The following EFHB variants were observed in gnomAD, a reference collection of about 807,000 sequenced individuals.
EFHB encodes the protein EF-hand domain family member B.
Under a neutral mutation model 87.2 loss-of-function variants are expected in EFHB, and 91 were observed. The observed-to-expected ratio is 1.04, with a 90% confidence interval of 0.88 to 1.24. EFHB has a LOEUF of 1.24. EFHB is among the 50% of genes most tolerant of loss of function. The pLI, the probability that EFHB is intolerant of heterozygous loss-of-function variation, is 0.00. For synonymous variants in EFHB, 325 were observed against 333.6 expected (o/e 0.97, Z 0.28); for missense variants, 1,084 against 998.8 (o/e 1.09, Z -1.15).
At chr3:19,915,620 T>C (rs1225251064) in intron 4 of EFHB, among the ~76,000 whole-genome samples, 2 of 152,184 alleles carry the variant, frequency 1.3e-5, no homozygotes, top group South Asian at 2.1e-4. Flanking sequence ...CAGAGCATAT[T>C]AGAACTCTAT....
chr3:19,916,336 G>A (rs1334293442), intron 4 of EFHB, among the ~76,000 whole-genome samples: 10 of 152,100 alleles, frequency 6.6e-5, no homozygotes, highest in Non-Finnish European at 1.5e-4. Context: ...GCAACATGGT[G>A]AAACCCTGTC....
intron 1 of EFHB, among the ~76,000 whole-genome samples, chr3:19,942,019 G>A (rs1399829085): frequency 2.6e-5 from 4 of 151,720 alleles, no homozygotes; most frequent in African/African-American, 7.3e-5. Context: ...TTACCCAGGC[G>A]TGGTGGTGGG....
At chr3:19,915,051 C>A (rs948031295) in intron 5 of EFHB, among the ~76,000 whole-genome samples, 57 of 151,696 alleles carry the variant, frequency 3.8e-4, no homozygotes, top group Non-Finnish European at 1.2e-4. Flanking sequence ...ATGATCATAC[C>A]ACTGCACTCC....
At position 19,887,634 on chromosome 3, in the gene EFHB, G is replaced by A. The variant is rs988951662; in HGVS notation, c.1933+810C>T. On this transcript the variant is annotated intron_variant, in intron 10 of 12. Coordinates refer to ENST00000295824, the MANE Select transcript of EFHB (RefSeq NM_144715.4). Reference sequence around the variant, plus strand: ...CACACATAAAGTACACTAACACTAAGGACAGCTGATGAGCTTAAAAACAAA... The same window carrying A: ...CACACATAAAGTACACTAACACTAAAGACAGCTGATGAGCTTAAAAACAAA... Among the ~76,000 whole-genome samples the A allele has an allele frequency of 4.6e-5, 7 of 152,144 alleles. No homozygotes were observed. In the South Asian group the frequency reaches 1.5e-3, roughly 32 times the overall value.
intron 5 of EFHB, among the ~76,000 whole-genome samples, chr3:19,911,134 G>T (rs527956577): frequency 3.1e-4 from 47 of 152,296 alleles, no homozygotes; most frequent in African/African-American, 1.1e-3. Flanking sequence ...TGGAGCAACA[G>T]AGCTATATGT....
chr3:19,923,641 G>A (rs992254690), intron 1 of EFHB, among the ~76,000 whole-genome samples: 1 of 152,102 alleles, frequency 6.6e-6, no homozygotes, highest in Admixed American at 6.6e-5. Context: ...TCCCAAAGGG[G>A]TGGGATTACA....
At chr3:19,921,994 G>C (rs778498266) in intron 1 of EFHB, among the ~76,000 whole-genome samples, 3 of 151,864 alleles carry the variant, frequency 2.0e-5, no homozygotes, top group South Asian at 2.1e-4. Flanking sequence ...GTGAAACCCC[G>C]TCCCTTCTAA....
intron 8 of EFHB, among the ~76,000 whole-genome samples, chr3:19,898,024 A>G (rs539804124): frequency 3.9e-5 from 6 of 152,360 alleles, no homozygotes; most frequent in Non-Finnish European, 8.8e-5. Context: ...CAGATTTAAT[A>G]AACTCCCTGG....
rs368223083 is a variant in EFHB at position 19,882,687 on chromosome 3, C to T, written c.2191G>A (p.Ala731Thr). 6.2e-7 allele frequency: 1 copy of T among 1,613,650 alleles called. No homozygotes were observed. The highest frequency in any genetic ancestry group is 1.1e-5 in the South Asian group (1 of 91,042). ...GVPTIRSDIPAPRIRRISDRT... is the reference protein window; with the variant it reads ...GVPTIRSDIPTPRIRRISDRT... The stretch of plus-strand genomic sequence containing the variant: ...TCACTGATGCGACGAATTCGGGGAG[C>T]AGGAATGTCAGATCGAATGGTTGGA... Residue 731 changes from alanine to threonine, a missense_variant, in exon 12 of 13, where the codon GCT becomes ACT. Transcript: ENST00000295824.
At position 19,933,824 on chromosome 3, in the gene EFHB, T is replaced by G; in HGVS notation, c.195A>C (p.Pro65=). The change falls in exon 1 of 13, where the codon CCA becomes CCC. Residue 65 remains proline, a synonymous_variant. Coordinates refer to ENST00000295824, the MANE Select transcript of EFHB (RefSeq NM_144715.4). ...GRMAPPETKF[P]LSKGLEMGLE... is the part of the protein sequence containing the mutation. ...ATCCCATTTCAAGCCCCTTGCTCAA[T>G]GGAAATTTTGTTTCTGGTGGTGCCA... 1.9e-6 allele frequency: 3 copies of G among 1,614,008 alleles called. No individual in the cohort carries two copies. The highest frequency in any genetic ancestry group is 2.5e-6 in the Non-Finnish European group (3 of 1,179,886).
chr3:19,885,903 C>T (rs958291163), intron 10 of EFHB, among the ~76,000 whole-genome samples: 5 of 152,148 alleles, frequency 3.3e-5, no homozygotes, highest in Non-Finnish European at 5.9e-5. Context: ...CACTTTTCTC[C>T]AAAAGTCAAC....
At chr3:19,919,634 C>G (rs945277542) in intron 3 of EFHB, among the ~76,000 whole-genome samples, 199 bp downstream of exon 3, 3 of 152,122 alleles carry the variant, frequency 2.0e-5, no homozygotes, top group African/African-American at 7.2e-5. Flanking sequence ...CTATTAATTT[C>G]TTCACACTGT....
intron 5 of EFHB, among the ~76,000 whole-genome samples, 189 bp from the exon 6 acceptor site, chr3:19,905,938 G>C (rs950236197): frequency 7.9e-5 from 12 of 152,210 alleles, no homozygotes; most frequent in Non-Finnish European, 1.5e-4. Context: ...TGGGAGACTG[G>C]TGGGATGCTA....
chr3:19,898,620 T>C (rs1450906576), intron 8 of EFHB, among the ~76,000 whole-genome samples, 158 bp downstream of exon 8: 1 of 152,260 alleles, frequency 6.6e-6, no homozygotes. Flanking sequence ...AATTTACTTC[T>C]GTGTTATACA....
Position 19,884,593 on chromosome 3 carries a change from G to T in EFHB, c.1956C>A (p.Asn652Lys), listed in dbSNP as rs1244706119. Residue 652 changes from asparagine (N) to lysine (K), a missense_variant, in exon 11 of 13, where the codon AAC (asparagine) becomes AAA (lysine). Physicochemically the swap from Asn to Lys is moderately conservative, Grantham distance 94. Coordinates refer to ENST00000295824, the MANE Select transcript of EFHB (RefSeq NM_144715.4). Reference sequence around the variant, plus strand: ...GTTCTTCAACATTAGCCTCAGTAGGGTTTACACAATCTGGTTTTCTACCTT... The same window carrying T: ...GTTCTTCAACATTAGCCTCAGTAGGTTTTACACAATCTGGTTTTCTACCTT... ...IIKGRKPDCV[N>K]PTEANVEEPE... 1.9e-6 allele frequency: 3 copies of T among 1,612,994 alleles called. No homozygotes were observed. Among genetic ancestry groups the T allele is most frequent in the Admixed American group, 1.7e-5 (1 of 59,808 alleles).
chr3:19,930,978 C>T (rs900582945), intron 1 of EFHB, among the ~76,000 whole-genome samples: 4 of 151,750 alleles, frequency 2.6e-5, no homozygotes, highest in Admixed American at 1.3e-4. Context: ...ATTAAAAATA[C>T]AAAAATTAAA....
rs920886420 is a variant in EFHB at position 19,919,840 on chromosome 3, G to A, written c.989C>T (p.Ser330Leu). 3 of 1,612,092 alleles carry A rather than the reference G, an allele frequency of 1.9e-6. No individual in the cohort carries two copies. Among genetic ancestry groups the A allele is most frequent in the African/African-American group, 2.7e-5 (2 of 74,836 alleles). ...YLTHGIRSKI[S>L]VLANTLINPQ... ...AAAAAGAAAATAACTTACCAGTACTGAAATTTTAGATCTAATTCCATGTGT... is the reference window on the plus strand; with the variant it reads ...AAAAAGAAAATAACTTACCAGTACTAAAATTTTAGATCTAATTCCATGTGT... Residue 330 changes from serine to leucine, a missense_variant, in exon 3 of 13, where the codon TCA becomes TTA. By Grantham distance (145) the Ser-to-Leu change is moderately radical. Coordinates refer to ENST00000295824, the MANE Select transcript of EFHB (RefSeq NM_144715.4).
intron 1 of EFHB, among the ~76,000 whole-genome samples, chr3:19,939,844 G>A (rs1696116158): frequency 6.6e-6 from 1 of 152,264 alleles, no homozygotes; most frequent in South Asian, 2.1e-4. Context: ...TCTAAAAAAG[G>A]CTTTGATAAA....
chr3:19,928,530 C>T (rs982636105), intron 1 of EFHB, among the ~76,000 whole-genome samples: 4 of 152,162 alleles, frequency 2.6e-5, no homozygotes, highest in East Asian at 1.9e-4. Context: ...CTGCAACCTC[C>T]GCCACCCAGG....
Sources: allele counts gnomAD v4.1 joint callset (sites outside exome capture counted in the v4.1 genomes callset), GRCh38; gene constraint gnomAD v4.1.1; transcripts MANE v1.5; gene names NCBI Gene and HGNC (gene_info 2026-07-23, HGNC 2026-07-21).